PIGU: variants seen among roughly 807,000 people sequenced by gnomAD.
The protein encoded by PIGU is GPI-anchor transamidase component PIGU.
A neutral mutation model predicts 49.9 loss-of-function variants in PIGU; 24 were observed. That is an observed-to-expected ratio of 0.48 (90% CI 0.35 to 0.68). The LOEUF is 0.68. Ranked by LOEUF, PIGU falls within the 30% of genes least tolerant of loss-of-function variation. PIGU has a pLI of 0.01. For synonymous variants in PIGU, 220 were observed against 205.7 expected (o/e 1.07, Z -0.59); for missense variants, 490 against 532.6 (o/e 0.92, Z 0.79).
At chr20:34,595,095 CAAAAAAAAAAAAAAA>C (rs71194627) in intron 7 of PIGU, among the ~76,000 whole-genome samples, 3 of 71,334 alleles carry the variant, frequency 4.2e-5, no homozygotes, top group Admixed American at 2.1e-4. Flanking sequence ...GACTCCGTCT[CAAAAAAAAAAAAAAA>C]AAAAAAAAGA....
At position 34,619,425 on chromosome 20, in the gene PIGU, AT is replaced by A. The variant is rs1369087197; in HGVS notation, c.530-3287del. ...TTTGATTGGGTCAAAAATCTGAATG[AT>A]TTTTTGGTGGGAAACTGGCCAAGAG... On this transcript the variant is annotated intron_variant, in intron 6 of 11. Transcript: ENST00000217446. Among the ~76,000 whole-genome samples the A allele has an allele frequency of 1.1e-4, 16 of 152,252 alleles. No individual in the cohort carries two copies. In the East Asian group the frequency reaches 2.9e-3, roughly 28 times the overall value.
chr20:34,605,469 C>T (rs1349313306), intron 7 of PIGU, among the ~76,000 whole-genome samples: 2 of 152,178 alleles, frequency 1.3e-5, no homozygotes, highest in Admixed American at 6.5e-5. Context: ...TTCTTTTCCC[C>T]TCATCGCCCC....
intron 2 of PIGU, among the ~76,000 whole-genome samples, chr20:34,652,182 G>C (rs1217732123): frequency 6.6e-6 from 1 of 151,912 alleles, no homozygotes; most frequent in Non-Finnish European, 1.5e-5. Context: ...TTTTCCCCCT[G>C]GGGGGAGAAA....
chr20:34,676,839 A>T (rs1568672681), intron 1 of PIGU, 117 bp downstream of exon 1: 3 of 1,279,624 alleles, frequency 2.3e-6, no homozygotes, highest in Non-Finnish European at 3.2e-6. Flanking sequence ...ACCCCACGAG[A>T]CAGTCAGTTA....
chr20:34,661,148 T>G (rs1986915189), intron 1 of PIGU, among the ~76,000 whole-genome samples: 1 of 151,990 alleles, frequency 6.6e-6, no homozygotes, highest in African/African-American at 2.4e-5. Context: ...ATATAATAGG[T>G]TTTTTTGGTG....
intron 2 of PIGU, 56 bp from the exon 3 acceptor site, chr20:34,645,390 G>A: frequency 6.6e-7 from 1 of 1,504,090 alleles, no homozygotes; most frequent in Admixed American, 2.5e-5. Flanking sequence ...ACTATTATCA[G>A]TTTCCAGAGT....
At chr20:34,669,874 T>A (rs1289024929) in intron 1 of PIGU, among the ~76,000 whole-genome samples, 1 of 151,856 alleles carries the variant, frequency 6.6e-6, no homozygotes, top group African/African-American at 2.4e-5. Context: ...ACCCTAAAAA[T>A]TAAGAGAGAT....
At chr20:34,636,239 G>C (rs1985959509) in intron 5 of PIGU, among the ~76,000 whole-genome samples, 1 of 148,984 alleles carries the variant, frequency 6.7e-6, no homozygotes, top group Admixed American at 6.8e-5. Context: ...TAATAGCAAA[G>C]TACAAATAGA....
intron 2 of PIGU, among the ~76,000 whole-genome samples, chr20:34,649,195 T>C (rs556981013): frequency 6.6e-6 from 1 of 151,948 alleles, no homozygotes; most frequent in Non-Finnish European, 1.5e-5. Flanking sequence ...TGTTCAAAAT[T>C]ACATATGTTT....
chr20:34,617,533 G>A (rs950298199), intron 6 of PIGU, among the ~76,000 whole-genome samples: 3 of 152,280 alleles, frequency 2.0e-5, no homozygotes, highest in Admixed American at 6.5e-5. Context: ...TATTTGTAAC[G>A]GATGTATTTA....
chr20:34,582,993 C>A (rs902498770), intron 9 of PIGU, among the ~76,000 whole-genome samples: 1 of 152,186 alleles, frequency 6.6e-6, no homozygotes, highest in Non-Finnish European at 1.5e-5. Flanking sequence ...CCTACTTCTG[C>A]ACAGTACCTA....
intron 11 of PIGU, among the ~76,000 whole-genome samples, chr20:34,561,273 C>T (rs192296179): frequency 1.3e-5 from 2 of 152,300 alleles, no homozygotes; most frequent in Admixed American, 1.3e-4. Context: ...GAGGCCTCTG[C>T]CCCATCCTCC....
At chr20:34,640,499 GCACACA>G (rs869136761) in intron 4 of PIGU, among the ~76,000 whole-genome samples, 2 of 16,468 alleles carry the variant, frequency 1.2e-4, no homozygotes. Context: ...GTGCGCACGC[GCACACA>G]CACACACACA....
At chr20:34,600,423 G>A (rs1471175267) in intron 7 of PIGU, among the ~76,000 whole-genome samples, 8 of 151,036 alleles carry the variant, frequency 5.3e-5, no homozygotes, top group Admixed American at 5.3e-4. Flanking sequence ...AGAGAGAAAA[G>A]AAAAGAAAAA....
At chr20:34,567,144 G>A (rs935340408) in intron 11 of PIGU, among the ~76,000 whole-genome samples, 1 of 152,256 alleles carries the variant, frequency 6.6e-6, no homozygotes, top group Non-Finnish European at 1.5e-5. Context: ...GGCCGTCACA[G>A]TTGGCAAAGT....
chr20:34,663,654 C>T (rs750240528), intron 1 of PIGU, among the ~76,000 whole-genome samples: 1 of 152,102 alleles, frequency 6.6e-6, no homozygotes, highest in Admixed American at 6.5e-5. Flanking sequence ...TTGCTCAAGA[C>T]CGTTGTAACT....
intron 7 of PIGU, among the ~76,000 whole-genome samples, chr20:34,604,239 C>G (rs1984534571): frequency 6.6e-6 from 1 of 152,160 alleles, no homozygotes; most frequent in Non-Finnish European, 1.5e-5. Flanking sequence ...AATTCTCAGA[C>G]TGCTTCAGAA....
In PIGU at chr20:34,560,778, C is replaced by T. The variant is rs182600789; in HGVS notation, c.*88G>A. 7 of 1,006,666 alleles carry T rather than the reference C, an allele frequency of 7.0e-6. No homozygotes were observed. The highest frequency in any genetic ancestry group is 1.8e-5 in the South Asian group (1 of 56,594). The allele number at this position is 1,006,666 out of a possible 1,614,324, so 62.4% of individuals were successfully genotyped here. A position where few individuals can be genotyped will look rare whatever the true frequency, so the allele number is the denominator to read the frequency against. Reference sequence around the variant, plus strand: ...CTCGAACCTCTTCTGCCCAAGCACTCGCCTGCTGGCAACTCTGGCTGGAGG... The same window carrying T: ...CTCGAACCTCTTCTGCCCAAGCACTTGCCTGCTGGCAACTCTGGCTGGAGG... On this transcript the variant is annotated 3_prime_UTR_variant, in exon 12 of 12. Coordinates refer to ENST00000217446, the MANE Select transcript of PIGU (RefSeq NM_080476.5).
At chr20:34,664,507 T>C (rs1335064106) in intron 1 of PIGU, among the ~76,000 whole-genome samples, 2 of 151,884 alleles carry the variant, frequency 1.3e-5, no homozygotes, top group Non-Finnish European at 2.9e-5. Context: ...AAGACCAGCC[T>C]GGCCAACATG....
Sources: allele counts gnomAD v4.1 joint callset (sites outside exome capture counted in the v4.1 genomes callset), GRCh38; gene constraint gnomAD v4.1.1; transcripts MANE v1.5; gene names NCBI Gene and HGNC (gene_info 2026-07-23, HGNC 2026-07-21).